EPHA10: variants seen among roughly 807,000 people sequenced by gnomAD.
EPHA10 encodes EPH receptor A10, also known as ephrin type-A receptor 10.
Under a neutral mutation model 109.7 loss-of-function variants are expected in EPHA10, and 120 were observed. That is an observed-to-expected ratio of 1.09 (90% CI 0.94 to 1.27). The LOEUF (loss-of-function observed/expected upper bound fraction) is 1.27, where lower values mean the gene tolerates loss of function less well. Ranked by LOEUF, EPHA10 falls within the 50% of genes most tolerant of loss-of-function variation. The pLI is 0.00. For synonymous variants in EPHA10, 640 were observed against 618.9 expected, an observed-to-expected ratio of 1.03 and a Z score of -0.51; for missense variants, 1,396 against 1,411.1, an observed-to-expected ratio of 0.99 and a Z score of 0.17.
rs1156278527 is a variant in EPHA10 at position 37,761,853 on chromosome 1, C to T, written c.402G>A (p.Glu134=). 3.1e-6 allele frequency: 5 copies of T among 1,613,018 alleles called. No homozygotes were observed. The African/African-American group carries it at 5.3e-5, about 17-fold the overall frequency. ...GGGGACGCCCACGGCCCAGGTCGGCCTCAGTTTCCAGGTAGTAGACGTTGA... is the reference window on the plus strand; with the variant it reads ...GGGGACGCCCACGGCCCAGGTCGGCTTCAGTTTCCAGGTAGTAGACGTTGA... ...ETFNVYYLET[E]ADLGRGRPRL... Residue 134 remains glutamate (E), a synonymous_variant, in exon 3 of 17, where the codon GAG becomes GAA. Coordinates refer to ENST00000373048, the MANE Select transcript of EPHA10 (RefSeq NM_001099439.2).
intron 10 of EPHA10, 121 bp downstream of exon 10, chr1:37,722,920 A>T: frequency 3.4e-6 from 5 of 1,479,640 alleles, no homozygotes; most frequent in Non-Finnish European, 3.7e-6. Context: ...GCTTCCAGAC[A>T]CGAGCAGAGA....
At position 37,758,677 on chromosome 1, in the gene EPHA10, T is replaced by G. The variant is rs56171527; in HGVS notation, c.850+2728A>C. On this transcript the variant is annotated intron_variant, in intron 3 of 16. Coordinates refer to ENST00000373048, the MANE Select transcript of EPHA10 (RefSeq NM_001099439.2). ...GGGCTCTGTATTTTCTACTTGTCCTTAAGTATTGCTATTCTATGAGTCTTC... is the reference window on the plus strand; with the variant it reads ...GGGCTCTGTATTTTCTACTTGTCCTGAAGTATTGCTATTCTATGAGTCTTC... 3.4e-3 allele frequency among the ~76,000 whole-genome samples: 520 copies of G among 152,290 alleles called. 2 individuals are homozygous for G. The highest frequency in any genetic ancestry group is 0.012 in the African/African-American group (498 of 41,564).
rs548534668 is a variant in EPHA10, at chr1:37,735,262, C to T, written c.1486G>A (p.Glu496Lys). Residue 496 changes from glutamate to lysine, a missense_variant, in exon 6 of 17, where the codon GAG (glutamate) becomes AAG (lysine). Transcript: ENST00000373048. The part of the protein sequence containing the change: ...NDTEYEIRYY[E>K]KGQSEQTYSM... The stretch of plus-strand genomic sequence containing the variant: ...CCTCCCAGACACGCACTCACCTTCT[C>T]GTAGTATCGGATCTCGTACTCCGTG... 10 of 1,566,940 alleles carry T rather than the reference C, an allele frequency of 6.4e-6. No homozygotes were observed. Among genetic ancestry groups the T allele is most frequent in the South Asian group, 1.2e-5 (1 of 85,062 alleles).
intron 3 of EPHA10, 42 bp downstream of exon 3, chr1:37,761,363 C>G: frequency 1.9e-6 from 3 of 1,565,064 alleles, no homozygotes; most frequent in Non-Finnish European, 1.7e-6. Context: ...TTGCCACCTA[C>G]GCTCTACACT....
rs775187156 is a variant in EPHA10 at position 37,719,891 on chromosome 1, G to C, written c.2562+18C>G. The C allele has an allele frequency of 6.2e-7, 1 of 1,613,870 alleles. No individual in the cohort carries two copies. Among genetic ancestry groups the C allele is most frequent in the Non-Finnish European group, 8.5e-7 (1 of 1,180,014 alleles). On this transcript the variant is annotated intron_variant, in intron 14 of 16. Coordinates refer to ENST00000373048, the MANE Select transcript of EPHA10 (RefSeq NM_001099439.2). ...GAGAGGGTCAGAAGGCATGCAGCTGGAGCCACGGGTTACTCACGTCTTGGC... is the reference window on the plus strand; with the variant it reads ...GAGAGGGTCAGAAGGCATGCAGCTGCAGCCACGGGTTACTCACGTCTTGGC...
intron 5 of EPHA10, among the ~76,000 whole-genome samples, chr1:37,740,562 C>T (rs991542166): frequency 6.6e-6 from 1 of 152,202 alleles, no homozygotes; most frequent in Non-Finnish European, 1.5e-5. Context: ...ACCCCGGCCT[C>T]CCAAAGTGCT....
chr1:37,751,215 AAAG>A (rs1187533946), intron 5 of EPHA10, among the ~76,000 whole-genome samples: 13 of 119,562 alleles, frequency 1.1e-4, no homozygotes, highest in African/African-American at 4.0e-4. Flanking sequence ...AAAAAAAAAA[AAAG>A]AAAGAAAGAA....
chr1:37,725,412 A>T (rs1353765339), intron 8 of EPHA10, among the ~76,000 whole-genome samples: 1 of 151,836 alleles, frequency 6.6e-6, no homozygotes, highest in Non-Finnish European at 1.5e-5. Context: ...AGGCCGAGGC[A>T]AAAGAATCAG....
intron 5 of EPHA10, among the ~76,000 whole-genome samples, chr1:37,750,401 C>T (rs1413195648): frequency 1.3e-5 from 2 of 152,126 alleles, no homozygotes; most frequent in Admixed American, 6.5e-5. Context: ...GTTCCAGAAA[C>T]CCAGACAAGC....
At chr1:37,725,875 G>A (rs116229027) in intron 8 of EPHA10, among the ~76,000 whole-genome samples, 1,856 of 152,316 alleles carry the variant, frequency 0.012, 44 homozygotes, top group African/African-American at 0.043. Flanking sequence ...ATGGCGCAGA[G>A]CAGGTACTAC....
intron 5 of EPHA10, among the ~76,000 whole-genome samples, chr1:37,744,060 T>A (rs1038275796): frequency 3.3e-5 from 5 of 152,184 alleles, no homozygotes; most frequent in African/African-American, 1.2e-4. Context: ...GCAAGTCATC[T>A]GGAAATAAAA....
intron 5 of EPHA10, among the ~76,000 whole-genome samples, chr1:37,744,260 T>A (rs602815): frequency 0.34 from 51,637 of 151,482 alleles, 8,855 homozygotes; most frequent in East Asian, 0.48. Context: ...ACTCCTGTAA[T>A]CCCAGCCCTT....
chr1:37,753,679 T>C (rs142739731), intron 4 of EPHA10, among the ~76,000 whole-genome samples: 33 of 6,954 alleles, frequency 4.7e-3, no homozygotes, highest in South Asian at 0.012. Context: ...CAGGGGTGAG[T>C]GGGAGCAGGG....
At chr1:37,742,581 GC>G (rs1646171408) in intron 5 of EPHA10, among the ~76,000 whole-genome samples, 1 of 133,910 alleles carries the variant, frequency 7.5e-6, no homozygotes. Flanking sequence ...GATGAGAATG[GC>G]AGAGTGGACA....
chr1:37,760,373 AG>A, intron 3 of EPHA10: 1 of 1,053,186 alleles, frequency 9.5e-7, no homozygotes, highest in Non-Finnish European at 1.1e-6. Context: ...AGAGAATGAG[AG>A]GTCTGTTCCT....
Position 37,716,136 on chromosome 1 carries a change from A to C in EPHA10, c.*2236T>G. 1 of 432,324 alleles carries C rather than the reference A, an allele frequency of 2.3e-6. No homozygotes were observed. Among genetic ancestry groups the C allele is most frequent in the South Asian group, 2.2e-5 (1 of 46,442 alleles). The allele number at this position is 432,324 out of a possible 1,614,324, so 26.8% of individuals were successfully genotyped here. A position where few individuals can be genotyped will look rare whatever the true frequency, so the allele number is the denominator to read the frequency against. ...TCTGTCCAGTGAACAAGTTCCATAT[A>C]AAAATAGATCTGTAGAGGGTTCCCA... On this transcript the variant is annotated 3_prime_UTR_variant, in exon 17 of 17. Coordinates refer to ENST00000373048, the MANE Select transcript of EPHA10 (RefSeq NM_001099439.2).
At chr1:37,757,324 T>C (rs982401220) in intron 3 of EPHA10, among the ~76,000 whole-genome samples, 2 of 152,210 alleles carry the variant, frequency 1.3e-5, no homozygotes, top group South Asian at 2.1e-4. Flanking sequence ...GAAGCTTGTG[T>C]TAGCTGCAGA....
chr1:37,720,729 C>A (rs1489612092), intron 12 of EPHA10, 54 bp downstream of exon 12: 9 of 1,601,342 alleles, frequency 5.6e-6, no homozygotes, highest in African/African-American at 4.0e-5. Flanking sequence ...AAGTGAGGGA[C>A]CCCTGCCCGC....
At chr1:37,760,510 T>C (rs1306993445) in intron 3 of EPHA10, 1 of 988,202 alleles carries the variant, frequency 1.0e-6, no homozygotes, top group Non-Finnish European at 1.2e-6. Context: ...AACTTCCCAA[T>C]CCCTCTCTCC....
Sources: gnomAD v4.1 joint callset for allele counts (sites outside exome capture counted in the v4.1 genomes callset) on GRCh38, gnomAD v4.1.1 for gene constraint, MANE v1.5 for transcripts, NCBI Gene and HGNC (gene_info 2026-07-23, HGNC 2026-07-21) for gene names.